RERE: variants seen among roughly 807,000 people sequenced by gnomAD.
RERE encodes arginine-glutamic acid dipeptide repeats.
In RERE, 40 loss-of-function variants were observed where a neutral mutation model predicts 146.1. The ratio of observed to expected loss-of-function variants is 0.27; its 90% CI spans 0.21 to 0.36. The LOEUF (loss-of-function observed/expected upper bound fraction) is 0.36, where lower values mean the gene tolerates loss of function less well. Ranked by LOEUF, RERE falls within the 10% of genes least tolerant of loss-of-function variation. The pLI is 1.00. For synonymous variants in RERE, 1,003 were observed against 866.0 expected (o/e 1.16, Z -2.78); for missense variants, 1,933 against 2,138.7 (o/e 0.90, Z 1.90).
rs555251452 is a variant in RERE, at chr1:8,355,044, C to G, written c.*43G>C. On this transcript the variant is annotated 3_prime_UTR_variant, in exon 23 of 23. Transcript: ENST00000400908. ...ATGTAAAAAGTCCTGTTTCTCCCCC[C>G]AAGAACTGGGGTTTCCACAGCCAGC... 6.4e-7 allele frequency: 1 copy of G among 1,571,720 alleles called. No homozygotes were observed. Among genetic ancestry groups the G allele is most frequent in the East Asian group, 2.2e-5 (1 of 44,670 alleles).
chr1:8,366,091 A>C, intron 12 of RERE, 117 bp from the exon 13 acceptor site: 1 of 1,067,006 alleles, frequency 9.4e-7, no homozygotes, highest in Non-Finnish European at 1.3e-6. Flanking sequence ...GATGAGAATA[A>C]AGACCAGTCG....
Position 8,355,576 on chromosome 1 carries a change from G to A in RERE, c.4510C>T (p.Pro1504Ser). 1 of 1,595,472 alleles carries A rather than the reference G, an allele frequency of 6.3e-7. No individual in the cohort carries two copies. Among genetic ancestry groups the A allele is most frequent in the Non-Finnish European group, 8.6e-7 (1 of 1,169,160 alleles). Residue 1504 changes from proline to serine, a missense_variant, in exon 22 of 23, where the codon CCT becomes TCT. Pro to Ser is a moderately conservative substitution (Grantham distance 74). Coordinates refer to ENST00000400908, the MANE Select transcript of RERE (RefSeq NM_001042681.2). ...GACATGGGGGGTGGGATGGCCCCAG[G>A]CAGGTCACGGGGGTAGGGGGTGCCT... ...VFGTPYPRDL[P>S]GAIPPPMSAA...
intron 3 of RERE, among the ~76,000 whole-genome samples, chr1:8,618,692 T>A (rs907147216): frequency 6.6e-6 from 1 of 152,212 alleles, no homozygotes; most frequent in African/African-American, 2.4e-5. Flanking sequence ...CACTTGAATG[T>A]GTGCACAAAG....
At chr1:8,495,015 G>T in intron 10 of RERE, 48 bp downstream of exon 10, 1 of 1,324,112 alleles carries the variant, frequency 7.6e-7, no homozygotes, top group Non-Finnish European at 1.1e-6. Context: ...AGCCAGTTCA[G>T]GGGAAAAAGA....
At chr1:8,398,327 G>A (rs1643127677) in intron 12 of RERE, among the ~76,000 whole-genome samples, 1 of 152,154 alleles carries the variant, frequency 6.6e-6, no homozygotes, top group South Asian at 2.1e-4. Flanking sequence ...CTCAGGCAAG[G>A]GGGTTAGTAC....
At chr1:8,594,781 A>G (rs896198616) in intron 4 of RERE, among the ~76,000 whole-genome samples, 1 of 152,208 alleles carries the variant, frequency 6.6e-6, no homozygotes, top group Non-Finnish European at 1.5e-5. Flanking sequence ...GCTCTGAACC[A>G]TTCTTTTGAT....
intron 1 of RERE, among the ~76,000 whole-genome samples, chr1:8,711,594 G>C (rs1194153627): frequency 1.3e-5 from 2 of 152,164 alleles, no homozygotes; most frequent in Admixed American, 1.3e-4. Flanking sequence ...GTTTGGAAAA[G>C]GGTTTTACAG....
intron 2 of RERE, among the ~76,000 whole-genome samples, chr1:8,654,200 C>G (rs565792242): frequency 9.2e-5 from 14 of 152,082 alleles, no homozygotes; most frequent in African/African-American, 3.1e-4. Context: ...ACACTCCCAG[C>G]TAATTTTTTA....
At chr1:8,611,851 T>C (rs897522275) in intron 4 of RERE, among the ~76,000 whole-genome samples, 1 of 152,126 alleles carries the variant, frequency 6.6e-6, no homozygotes, top group South Asian at 2.1e-4. Flanking sequence ...AGCTGGCGGG[T>C]AGAATCATTT....
chr1:8,549,900 A>C (rs937555306), intron 6 of RERE, among the ~76,000 whole-genome samples: 12 of 152,206 alleles, frequency 7.9e-5, no homozygotes, highest in Admixed American at 5.2e-4. Context: ...ATACCAAGGA[A>C]GGTCATGAAT....
intron 12 of RERE, among the ~76,000 whole-genome samples, chr1:8,372,935 G>A (rs948226638): frequency 2.0e-5 from 3 of 152,208 alleles, no homozygotes; most frequent in East Asian, 1.9e-4. Context: ...GGGGGCAGTC[G>A]GAGAGAAGGG....
chr1:8,646,706 A>G (rs997172545), intron 2 of RERE, among the ~76,000 whole-genome samples: 1 of 152,260 alleles, frequency 6.6e-6, no homozygotes, highest in Non-Finnish European at 1.5e-5. Flanking sequence ...AAATGTAGAT[A>G]GACACAGAGA....
chr1:8,723,987 G>C (rs559389558), intron 1 of RERE, among the ~76,000 whole-genome samples: 1 of 152,200 alleles, frequency 6.6e-6, no homozygotes, highest in Admixed American at 6.6e-5. Context: ...GTCTCTGTGT[G>C]TTCCAGCATT....
intron 7 of RERE, 115 bp from the exon 8 acceptor site, chr1:8,508,790 A>T: frequency 1.3e-6 from 1 of 797,092 alleles, no homozygotes; most frequent in Non-Finnish European, 2.1e-6. Flanking sequence ...CTGAGGAAGA[A>T]TTAACGTCCC....
chr1:8,386,022 A>ATTTTTTT (rs60050106), intron 12 of RERE, among the ~76,000 whole-genome samples: 31 of 26,640 alleles, frequency 1.2e-3, no homozygotes, highest in Non-Finnish European at 1.6e-3. Context: ...ATATATATAT[A>ATTTTTTT]TTTTTTTTTT....
intron 1 of RERE, among the ~76,000 whole-genome samples, chr1:8,740,757 C>T (rs190230895): frequency 1.4e-3 from 208 of 152,164 alleles, no homozygotes; most frequent in African/African-American, 4.9e-3. Flanking sequence ...GCTCTTGCAC[C>T]GCCACATGTT....
At chr1:8,569,237 C>T (rs1646188582) in intron 4 of RERE, among the ~76,000 whole-genome samples, 1 of 147,762 alleles carries the variant, frequency 6.8e-6, no homozygotes, top group African/African-American at 2.5e-5. Context: ...TTTAAACAGT[C>T]CATTAAATTT....
intron 8 of RERE, among the ~76,000 whole-genome samples, chr1:8,502,273 G>T: frequency 8.6e-6 from 1 of 116,072 alleles, no homozygotes; most frequent in African/African-American, 3.5e-5. Context: ...CCTCTGCCCG[G>T]CCGCCCCTAC....
chr1:8,453,469 G>A (rs553237429), intron 11 of RERE, among the ~76,000 whole-genome samples: 1 of 152,282 alleles, frequency 6.6e-6, no homozygotes, highest in East Asian at 1.9e-4. Context: ...TGTTAGGTGG[G>A]TTTTTGGTCG....
Sources: allele counts gnomAD v4.1 joint callset (sites outside exome capture counted in the v4.1 genomes callset), GRCh38; gene constraint gnomAD v4.1.1; transcripts MANE v1.5; gene names NCBI Gene and HGNC (gene_info 2026-07-23, HGNC 2026-07-21).